Variants in CPB1 observed in about 807,000 individuals in gnomAD.
The protein encoded by CPB1 is carboxypeptidase B1, also known as carboxypeptidase B.
A neutral mutation model predicts 51.4 loss-of-function variants in CPB1; 53 were observed. The ratio of observed to expected loss-of-function variants is 1.03; its 90% confidence interval spans 0.83 to 1.30. CPB1 has a LOEUF of 1.30. Among genes scored for constraint, CPB1 ranks in the 50% most tolerant of loss-of-function variants. The pLI is 0.00. For synonymous variants in CPB1, 189 were observed against 186.9 expected (o/e 1.01, Z -0.09); for missense variants, 494 against 516.2 (o/e 0.96, Z 0.42).
At chr3:148,853,787 A>T (rs1162955334) in intron 9 of CPB1, among the ~76,000 whole-genome samples, 1 of 152,234 alleles carries the variant, frequency 6.6e-6, no homozygotes, top group Non-Finnish European at 1.5e-5. Context: ...ACCTAGCTCA[A>T]GTCAGCCACT....
At chr3:148,854,830 T>C (rs903136278) in intron 9 of CPB1, 1 of 152,150 alleles carries the variant, frequency 6.6e-6, no homozygotes, top group African/African-American at 2.4e-5. Flanking sequence ...GATAAAAGTG[T>C]GGGCCCCCAA....
At position 148,828,087 on chromosome 3, in the gene CPB1, A is replaced by T. The variant is rs1317305787; in HGVS notation, c.147+10A>T. 4 of 1,606,920 alleles carry T rather than the reference A, an allele frequency of 2.5e-6. No homozygotes were observed. In the South Asian group the frequency reaches 4.4e-5, roughly 18 times the overall value. ...GGCCAGCACGACCCAGGTAAGTAAC[A>T]ATTTTGATTTACTTCACATCTAATT... On this transcript the variant is annotated intron_variant, in intron 2 of 10. Transcript: ENST00000282957.
intron 9 of CPB1, among the ~76,000 whole-genome samples, chr3:148,848,470 G>A (rs73866672): frequency 3.7e-4 from 56 of 152,194 alleles, no homozygotes; most frequent in African/African-American, 1.3e-3. Flanking sequence ...CAAGTCATTG[G>A]TGTACAAGAG....
In CPB1 at chr3:148,860,009, A is replaced by G. The variant is rs935195050; in HGVS notation, c.*7A>G. 2.5e-6 allele frequency: 4 copies of G among 1,601,438 alleles called. No homozygotes were observed. Among genetic ancestry groups the G allele is most frequent in the Non-Finnish European group, 3.4e-6 (4 of 1,174,136 alleles). On this transcript the variant is annotated 3_prime_UTR_variant, in exon 11 of 11. Transcript: ENST00000282957. ...CCTGGAACACCTGTACTAGTTGAGA[A>G]AGCTGATGGCCTTGTTTCAAAATTC...
intron 6 of CPB1, 22 bp downstream of exon 6, chr3:148,841,946 T>G (rs563356433): frequency 2.0e-6 from 3 of 1,506,776 alleles, no homozygotes; most frequent in Non-Finnish European, 2.8e-6. Context: ...GAGTGGTTTT[T>G]GGCAAAGAGA....
intron 3 of CPB1, among the ~76,000 whole-genome samples, chr3:148,840,102 A>C (rs1369424367): frequency 6.6e-6 from 1 of 152,228 alleles, no homozygotes; most frequent in African/African-American, 2.4e-5. Context: ...AAAGACAAGC[A>C]AATAGAAACT....
At chr3:148,848,375 A>G (rs1713316512) in intron 9 of CPB1, among the ~76,000 whole-genome samples, 1 of 152,148 alleles carries the variant, frequency 6.6e-6, no homozygotes, top group Non-Finnish European at 1.5e-5. Flanking sequence ...AGAAAACAAA[A>G]GGTAGTAAAA....
intron 8 of CPB1, 34 bp downstream of exon 8, chr3:148,844,801 A>G (rs1576571002): frequency 6.4e-7 from 1 of 1,567,758 alleles, no homozygotes; most frequent in Non-Finnish European, 8.8e-7. Flanking sequence ...GCATGTATCC[A>G]TTGAAAAACA....
intron 10 of CPB1, among the ~76,000 whole-genome samples, chr3:148,859,020 G>A (rs770339479): frequency 6.6e-6 from 1 of 151,984 alleles, no homozygotes. Flanking sequence ...AATCATATGA[G>A]GCATACTGTT....
intron 2 of CPB1, among the ~76,000 whole-genome samples, chr3:148,830,925 T>C (rs527936961): frequency 6.6e-6 from 1 of 152,210 alleles, no homozygotes; most frequent in Non-Finnish European, 1.5e-5. Context: ...TCATTCTCCT[T>C]AGCAGTTACG....
At chr3:148,853,647 C>G (rs531456730) in intron 9 of CPB1, among the ~76,000 whole-genome samples, 46 of 152,316 alleles carry the variant, frequency 3.0e-4, no homozygotes, top group African/African-American at 1.0e-3. Flanking sequence ...AGTTTTCTCT[C>G]AGGCTGGTTT....
intron 9 of CPB1, chr3:148,856,489 G>C (rs528671008): frequency 6.6e-6 from 1 of 152,254 alleles, no homozygotes; most frequent in East Asian, 1.9e-4. Flanking sequence ...CAGTTTTCCA[G>C]GCATATGTAG....
chr3:148,836,473 C>T (rs1712904180), intron 3 of CPB1, among the ~76,000 whole-genome samples: 1 of 152,182 alleles, frequency 6.6e-6, no homozygotes, highest in Admixed American at 6.5e-5. Context: ...CATAGATTAA[C>T]CCTAGCTACC....
At chr3:148,830,640 C>G (rs983137006) in intron 2 of CPB1, among the ~76,000 whole-genome samples, 1 of 152,060 alleles carries the variant, frequency 6.6e-6, no homozygotes, top group Non-Finnish European at 1.5e-5. Flanking sequence ...CCTCATCTAC[C>G]TTGGGCCTCA....
chr3:148,851,320 G>A (rs1347450238), intron 9 of CPB1: 1 of 104,040 alleles, frequency 9.6e-6, no homozygotes, highest in African/African-American at 3.9e-5. Flanking sequence ...GGGTGACAGA[G>A]CAAGACCCTG....
rs138943181 is a variant in CPB1, at chr3:148,829,003, G to A, written c.147+926G>A. Reference sequence around the variant, plus strand: ...CCAGTTACTACTCCTGGTAAAACCTGTTTGAGTACTTCCAGGAATAGTTTG... The same window carrying A: ...CCAGTTACTACTCCTGGTAAAACCTATTTGAGTACTTCCAGGAATAGTTTG... On this transcript the variant is annotated intron_variant, in intron 2 of 10. Coordinates refer to ENST00000282957, the MANE Select transcript of CPB1 (RefSeq NM_001871.3). 4.6e-4 allele frequency among the ~76,000 whole-genome samples: 70 copies of A among 152,282 alleles called. No homozygotes were observed. In the East Asian group the frequency reaches 0.013, roughly 27 times the overall value.
intron 2 of CPB1, 140 bp downstream of exon 2, chr3:148,828,217 G>A: frequency 1.5e-6 from 1 of 662,220 alleles, no homozygotes; most frequent in East Asian, 2.7e-5. Context: ...AACATTTAGT[G>A]CCATAATGTC....
At chr3:148,849,481 T>C (rs1321244575) in intron 9 of CPB1, among the ~76,000 whole-genome samples, 1 of 152,168 alleles carries the variant, frequency 6.6e-6, no homozygotes, top group Non-Finnish European at 1.5e-5. Flanking sequence ...GAGAAAAGGC[T>C]CTCAAACCTA....
At chr3:148,849,596 T>G (rs1355127350) in intron 9 of CPB1, among the ~76,000 whole-genome samples, 1 of 152,098 alleles carries the variant, frequency 6.6e-6, no homozygotes, top group Admixed American at 6.5e-5. Context: ...ATAATACAAC[T>G]TCAAAGTGAA....
Sources: allele counts gnomAD v4.1 joint callset (sites outside exome capture counted in the v4.1 genomes callset), GRCh38; gene constraint gnomAD v4.1.1; transcripts MANE v1.5; gene names NCBI Gene and HGNC (gene_info 2026-07-23, HGNC 2026-07-21).